Variants in LRRC4C observed in about 807,000 individuals in gnomAD.
LRRC4C encodes the protein leucine-rich repeat-containing protein 4C.
A neutral mutation model predicts 33.6 loss-of-function variants in LRRC4C; 5 were observed. The ratio of observed to expected loss-of-function variants is 0.15; its 90% confidence interval spans 0.08 to 0.31. The LOEUF (loss-of-function observed/expected upper bound fraction) is 0.31. LRRC4C is among the 10% of genes least tolerant of loss of function. The probability of loss-of-function intolerance (pLI) is 1.00; values close to 1 mark genes in which losing one functional copy is unlikely to be tolerated. For missense variants in LRRC4C, 560 were observed against 796.7 expected (o/e 0.70, Z 3.58); for synonymous variants, 329 against 302.0 (o/e 1.09, Z -0.93).
rs918490470 is a variant in LRRC4C at position 41,386,370 on chromosome 11, G to C, written c.-496+73061C>G. On this transcript the variant is annotated intron_variant, in intron 1 of 6. Coordinates refer to ENST00000528697, the MANE Select transcript of LRRC4C (RefSeq NM_001258419.2). ...ATGGAGGAGTTTCAAAAATAGTATA[G>C]AGAGTTCCCATATGCCCTTCACACA... Among the ~76,000 whole-genome samples, 7 of 151,670 alleles carry C rather than the reference G, an allele frequency of 4.6e-5. No individual in the cohort carries two copies. In the East Asian group the frequency reaches 1.4e-3, roughly 30 times the overall value.
chr11:40,957,440 C>T (rs1263189294), intron 1 of LRRC4C, among the ~76,000 whole-genome samples: 1 of 151,704 alleles, frequency 6.6e-6, no homozygotes, highest in Non-Finnish European at 1.5e-5. Flanking sequence ...CTCTATTTCT[C>T]TCTTTCCATC....
chr11:41,304,664 G>A (rs1207636371), intron 1 of LRRC4C, among the ~76,000 whole-genome samples: 3 of 111,836 alleles, frequency 2.7e-5, no homozygotes, highest in African/African-American at 1.0e-4. Flanking sequence ...CCATCCGGGA[G>A]GGAGGTTGGG....
intron 5 of LRRC4C, among the ~76,000 whole-genome samples, chr11:40,225,131 T>A (rs1864690578): frequency 6.6e-6 from 1 of 152,172 alleles, no homozygotes; most frequent in South Asian, 2.1e-4. Flanking sequence ...TGAAGCCACC[T>A]AAAACAATAG....
chr11:40,836,285 C>A (rs1291675646), intron 2 of LRRC4C, among the ~76,000 whole-genome samples: 1 of 152,104 alleles, frequency 6.6e-6, no homozygotes, highest in Admixed American at 6.6e-5. Flanking sequence ...CCATCTCATT[C>A]CCCATGAAGA....
intron 3 of LRRC4C, among the ~76,000 whole-genome samples, chr11:40,334,982 A>T (rs1179272513): frequency 6.6e-6 from 1 of 152,196 alleles, no homozygotes; most frequent in African/African-American, 2.4e-5. Flanking sequence ...TCAATATCTG[A>T]TTGTCACAAA....
intron 3 of LRRC4C, among the ~76,000 whole-genome samples, chr11:40,616,020 T>C (rs547916867): frequency 6.6e-6 from 1 of 151,772 alleles, no homozygotes; most frequent in Admixed American, 6.6e-5. Flanking sequence ...AGAAAGAGAA[T>C]ATCAGGATCC....
At chr11:41,121,744 G>T (rs1194093411) in intron 1 of LRRC4C, among the ~76,000 whole-genome samples, 1 of 152,078 alleles carries the variant, frequency 6.6e-6, no homozygotes, top group Non-Finnish European at 1.5e-5. Flanking sequence ...ACATGCTAGA[G>T]GATAAAATAA....
intron 3 of LRRC4C, among the ~76,000 whole-genome samples, chr11:40,423,437 C>G (rs368353813): frequency 3.7e-4 from 56 of 150,980 alleles, no homozygotes; most frequent in African/African-American, 1.2e-3. Context: ...CTCCGCCTCC[C>G]GGGTTCACGC....
intron 3 of LRRC4C, among the ~76,000 whole-genome samples, chr11:40,496,393 T>C (rs968296884): frequency 1.3e-5 from 2 of 152,190 alleles, no homozygotes; most frequent in African/African-American, 2.4e-5. Flanking sequence ...GTGAAAGGAT[T>C]ACCACAATCA....
At chr11:41,263,310 T>C (rs1009981122) in intron 1 of LRRC4C, among the ~76,000 whole-genome samples, 1 of 152,148 alleles carries the variant, frequency 6.6e-6, no homozygotes, top group African/African-American at 2.4e-5. Context: ...CATGCAATAA[T>C]TCAAGATTTG....
chr11:41,022,607 C>T (rs1181015129), intron 1 of LRRC4C, among the ~76,000 whole-genome samples: 3 of 151,958 alleles, frequency 2.0e-5, no homozygotes, highest in Admixed American at 2.0e-4. Context: ...TAATAGTACA[C>T]ATCCTGTTTC....
chr11:41,063,259 C>T (rs1278107156), intron 1 of LRRC4C, among the ~76,000 whole-genome samples: 1 of 152,068 alleles, frequency 6.6e-6, no homozygotes, highest in Non-Finnish European at 1.5e-5. Flanking sequence ...CTAGTATTAC[C>T]AGACATTGTT....
chr11:40,495,841 T>C (rs1263448987), intron 3 of LRRC4C, among the ~76,000 whole-genome samples: 1 of 89,310 alleles, frequency 1.1e-5, no homozygotes, highest in Non-Finnish European at 2.3e-5. Flanking sequence ...TTTTTTTTTT[T>C]TTTTTTTTGA....
intron 1 of LRRC4C, among the ~76,000 whole-genome samples, chr11:41,292,052 A>G (rs1313806851): frequency 6.6e-6 from 1 of 152,162 alleles, no homozygotes; most frequent in Non-Finnish European, 1.5e-5. Context: ...TCTATTTGAT[A>G]TAAAATATTA....
chr11:40,778,327 C>T (rs1412026535), intron 2 of LRRC4C, among the ~76,000 whole-genome samples: 1 of 152,154 alleles, frequency 6.6e-6, no homozygotes, highest in Non-Finnish European at 1.5e-5. Context: ...AGCACAGATT[C>T]ACTTATGTAA....
chr11:40,461,106 C>T (rs74791829), intron 3 of LRRC4C, among the ~76,000 whole-genome samples: 6,194 of 152,144 alleles, frequency 0.041, 405 homozygotes, highest in African/African-American at 0.14. Flanking sequence ...AACAACAAAA[C>T]AGACAAAAAA....
intron 3 of LRRC4C, among the ~76,000 whole-genome samples, chr11:40,423,878 A>G (rs191226087): frequency 6.6e-5 from 10 of 152,342 alleles, no homozygotes; most frequent in Admixed American, 5.2e-4. Context: ...AGTGTATTGT[A>G]TATTTCATTA....
intron 2 of LRRC4C, among the ~76,000 whole-genome samples, chr11:40,889,811 C>T (rs1015095826): frequency 2.6e-5 from 4 of 152,016 alleles, no homozygotes; most frequent in African/African-American, 7.2e-5. Context: ...CCAGAAAACT[C>T]GCTTGGTTGC....
At chr11:40,890,788 C>A (rs1002310455) in intron 2 of LRRC4C, among the ~76,000 whole-genome samples, 1 of 151,942 alleles carries the variant, frequency 6.6e-6, no homozygotes, top group Middle Eastern at 3.4e-3. Context: ...ACTTAATCCC[C>A]AAAATTACCC....
Sources: gnomAD v4.1 joint callset for allele counts (sites outside exome capture counted in the v4.1 genomes callset) on GRCh38, gnomAD v4.1.1 for gene constraint, MANE v1.5 for transcripts, NCBI Gene and HGNC (gene_info 2026-07-23, HGNC 2026-07-21) for gene names.